DAAM1: variants seen among roughly 807,000 people sequenced by gnomAD.
The protein encoded by DAAM1 is dishevelled associated activator of morphogenesis 1.
In DAAM1, 52 loss-of-function variants were observed where a neutral mutation model predicts 130.0. The observed-to-expected ratio is 0.40, with a 90% confidence interval of 0.32 to 0.50. DAAM1 has a LOEUF of 0.50. Ranked by LOEUF, DAAM1 falls within the 20% of genes least tolerant of loss-of-function variation. The probability of loss-of-function intolerance (pLI) is 0.61; values close to 1 mark genes in which losing one functional copy is unlikely to be tolerated. For synonymous variants in DAAM1, 452 were observed against 444.5 expected (o/e 1.02, Z -0.21); for missense variants, 1,134 against 1,303.8 (o/e 0.87, Z 2.01).
chr14:59,198,447 G>T (rs567160451), intron 1 of DAAM1, among the ~76,000 whole-genome samples: 13 of 151,800 alleles, frequency 8.6e-5, no homozygotes, highest in Non-Finnish European at 1.5e-4. Flanking sequence ...CTTGTGATCC[G>T]CCTGAACTCC....
intron 3 of DAAM1, among the ~76,000 whole-genome samples, chr14:59,305,018 T>C (rs1299948979): frequency 6.6e-6 from 1 of 152,244 alleles, no homozygotes; most frequent in Admixed American, 6.5e-5. Flanking sequence ...ACCTACTTTA[T>C]GACATTCTGA....
At chr14:59,290,155 G>C (rs1883678984) in intron 2 of DAAM1, among the ~76,000 whole-genome samples, 1 of 152,130 alleles carries the variant, frequency 6.6e-6, no homozygotes, top group Admixed American at 6.5e-5. Flanking sequence ...ATAAAAGACT[G>C]TGAATTAAGT....
intron 3 of DAAM1, among the ~76,000 whole-genome samples, chr14:59,295,461 A>G (rs1279775238): frequency 1.3e-5 from 2 of 152,218 alleles, no homozygotes; most frequent in Non-Finnish European, 2.9e-5. Flanking sequence ...TTTGGTTTGT[A>G]TACCCTGATT....
chr14:59,322,840 C>T, intron 5 of DAAM1, 52 bp from the exon 6 acceptor site: 1 of 1,435,180 alleles, frequency 7.0e-7, no homozygotes, highest in Non-Finnish European at 9.5e-7. Flanking sequence ...CTGTTAGGGG[C>T]TATTATAAAA....
At chr14:59,327,398 G>GTTTTTTTT (rs1338982717) in intron 12 of DAAM1, among the ~76,000 whole-genome samples, 8 of 72,752 alleles carry the variant, frequency 1.1e-4, no homozygotes, top group African/African-American at 3.0e-4. Flanking sequence ...AGGTCACTTG[G>GTTTTTTTT]TTTCTTTTTT....
chr14:59,240,499 G>GTATT (rs1188263763), intron 1 of DAAM1, among the ~76,000 whole-genome samples: 1 of 152,058 alleles, frequency 6.6e-6, no homozygotes, highest in Non-Finnish European at 1.5e-5. Context: ...AGTTCAAGGG[G>GTATT]TATTTGACTG....
intron 3 of DAAM1, among the ~76,000 whole-genome samples, chr14:59,300,948 A>G (rs755977766): frequency 6.6e-6 from 1 of 152,224 alleles, no homozygotes; most frequent in Non-Finnish European, 1.5e-5. Context: ...TCAAGAGTTT[A>G]TCTAGAATAG....
intron 1 of DAAM1, among the ~76,000 whole-genome samples, chr14:59,214,270 G>C (rs1888511860): frequency 6.6e-6 from 1 of 152,194 alleles, no homozygotes; most frequent in Non-Finnish European, 1.5e-5. Context: ...GTTGGTTTAA[G>C]TTCATGTGGA....
intron 16 of DAAM1, among the ~76,000 whole-genome samples, chr14:59,343,980 A>G (rs1042395667): frequency 1.3e-5 from 2 of 152,216 alleles, no homozygotes; most frequent in Non-Finnish European, 2.9e-5. Flanking sequence ...GTATGTGTGC[A>G]TGGGTGACAT....
In DAAM1 at chr14:59,233,117, A is replaced by G. The variant is rs150659889; in HGVS notation, c.-37-30324A>G. 2.6e-3 allele frequency among the ~76,000 whole-genome samples: 402 copies of G among 152,272 alleles called. 4 individuals carry two copies. Among genetic ancestry groups the G allele is most frequent in the Non-Finnish European group, 1.9e-3 (130 of 68,026 alleles). On this transcript the variant is annotated intron_variant, in intron 1 of 24. Coordinates refer to ENST00000360909, the MANE Select transcript of DAAM1 (RefSeq NM_001270520.2). ...TAAACATACATGTGCATGTGTCTTT[A>G]TAGTAGAATGATTTATATTCCTTTG...
At chr14:59,343,091 G>A (rs1286039603) in intron 16 of DAAM1, among the ~76,000 whole-genome samples, 1 of 152,180 alleles carries the variant, frequency 6.6e-6, no homozygotes, top group Non-Finnish European at 1.5e-5. Flanking sequence ...GCAGCGGCTT[G>A]TGAGAATTCC....
chr14:59,239,639 C>A (rs1020309843), intron 1 of DAAM1, among the ~76,000 whole-genome samples: 3 of 152,094 alleles, frequency 2.0e-5, no homozygotes, highest in Non-Finnish European at 2.9e-5. Context: ...ACCGCGCCCC[C>A]ACCCCGATCC....
chr14:59,310,985 A>G (rs1884570208), intron 3 of DAAM1, among the ~76,000 whole-genome samples: 1 of 152,176 alleles, frequency 6.6e-6, no homozygotes, highest in Admixed American at 6.5e-5. Flanking sequence ...AAAACAAACA[A>G]AAAAACTCTG....
intron 1 of DAAM1, among the ~76,000 whole-genome samples, chr14:59,204,458 C>T (rs887747267): frequency 1.2e-4 from 18 of 152,104 alleles, no homozygotes; most frequent in African/African-American, 4.3e-4. Flanking sequence ...GATTTTTTTC[C>T]CTGCAATCAG....
At chr14:59,334,861 A>T (rs1238427382) in intron 15 of DAAM1, among the ~76,000 whole-genome samples, 1 of 152,206 alleles carries the variant, frequency 6.6e-6, no homozygotes, top group Non-Finnish European at 1.5e-5. Context: ...ACAGTATAAA[A>T]GCAGAGATGA....
At chr14:59,215,825 A>G (rs1225983035) in intron 1 of DAAM1, among the ~76,000 whole-genome samples, 7 of 152,178 alleles carry the variant, frequency 4.6e-5, no homozygotes, top group African/African-American at 1.7e-4. Flanking sequence ...TCTCGCTACA[A>G]TTGATTGCTT....
chr14:59,216,951 T>C (rs892792522), intron 1 of DAAM1, among the ~76,000 whole-genome samples: 2 of 152,002 alleles, frequency 1.3e-5, no homozygotes, highest in South Asian at 2.1e-4. Context: ...AGCCCAGCGA[T>C]GCTTGAAAGT....
chr14:59,284,323 G>A (rs749905493), intron 2 of DAAM1, among the ~76,000 whole-genome samples: 62 of 152,120 alleles, frequency 4.1e-4, no homozygotes, highest in Non-Finnish European at 7.1e-4. Context: ...ACTAAATAGA[G>A]GTGGGAATAT....
At chr14:59,191,165 C>T (rs1204191094) in intron 1 of DAAM1, among the ~76,000 whole-genome samples, 3 of 152,076 alleles carry the variant, frequency 2.0e-5, no homozygotes, top group Admixed American at 1.3e-4. Context: ...GCATGTGTAT[C>T]CATAGTCAGG....
Sources: allele counts gnomAD v4.1 joint callset (sites outside exome capture counted in the v4.1 genomes callset), GRCh38; gene constraint gnomAD v4.1.1; transcripts MANE v1.5; gene names NCBI Gene and HGNC (gene_info 2026-07-23, HGNC 2026-07-21).